DNAH9: variants seen among roughly 807,000 people sequenced by gnomAD.
The protein encoded by DNAH9 is DNAH9 variant protein.
In DNAH9, 345 loss-of-function variants were observed where a neutral mutation model predicts 471.6. The ratio of observed to expected loss-of-function variants is 0.73; its 90% CI spans 0.67 to 0.80. DNAH9 has a LOEUF of 0.80. Ranked by LOEUF, DNAH9 falls within the 30% of genes least tolerant of loss-of-function variation. The pLI, the probability that DNAH9 is intolerant of heterozygous loss-of-function variation, is 0.00. For missense variants in DNAH9, 5,407 were observed against 5,609.2 expected (o/e 0.96, Z 1.15); for synonymous variants, 2,093 against 2,123.6 (o/e 0.99, Z 0.40).
intron 67 of DNAH9, among the ~76,000 whole-genome samples, chr17:11,954,392 T>G (rs1217294466): frequency 6.6e-6 from 1 of 151,924 alleles, no homozygotes; most frequent in Non-Finnish European, 1.5e-5. Flanking sequence ...ATAATAAAAC[T>G]GCTGAAACCA....
At chr17:11,705,571 C>A (rs911889711) in intron 26 of DNAH9, 2 of 176,756 alleles carry the variant, frequency 1.1e-5, no homozygotes, top group East Asian at 1.4e-4. Context: ...AAGACAGTAA[C>A]GTTGGGAGGG....
chr17:11,864,318 A>G (rs988825889), intron 50 of DNAH9, among the ~76,000 whole-genome samples: 9 of 151,978 alleles, frequency 5.9e-5, no homozygotes, highest in East Asian at 1.9e-4. Context: ...CAGTTTCCAT[A>G]TAGTTGAGCG....
chr17:11,901,589 G>A (rs144694537), intron 59 of DNAH9, among the ~76,000 whole-genome samples: 3 of 152,240 alleles, frequency 2.0e-5, no homozygotes, highest in African/African-American at 7.2e-5. Context: ...CCAGCTACTC[G>A]GGAGGCTGAG....
At chr17:11,762,660 A>C (rs755796100) in intron 35 of DNAH9, among the ~76,000 whole-genome samples, 15 of 150,852 alleles carry the variant, frequency 9.9e-5, no homozygotes, top group Non-Finnish European at 1.2e-4. Context: ...CTGGCCCCAG[A>C]AAAAGTGTTT....
intron 62 of DNAH9, chr17:11,925,151 A>AT (rs1567554861): frequency 2.2e-6 from 1 of 454,920 alleles, no homozygotes; most frequent in African/African-American, 2.0e-5. Flanking sequence ...TCTCCACCAA[A>AT]TTTTTTAGGT....
At chr17:11,715,181 G>T (rs8078636) in intron 26 of DNAH9, among the ~76,000 whole-genome samples, 140,199 of 152,264 alleles carry the variant, frequency 0.92, 65,095 homozygotes, top group Non-Finnish European at 0.98. Flanking sequence ...TTTGATATTT[G>T]CTTTATCTTC....
chr17:11,835,396 C>G (rs1402459348), intron 49 of DNAH9, among the ~76,000 whole-genome samples: 1 of 152,142 alleles, frequency 6.6e-6, no homozygotes, highest in Admixed American at 6.5e-5. Flanking sequence ...TCAAAATATA[C>G]TTTTTAATCT....
intron 19 of DNAH9, among the ~76,000 whole-genome samples, chr17:11,686,310 C>T (rs928257823): frequency 3.3e-5 from 5 of 152,142 alleles, no homozygotes; most frequent in African/African-American, 1.2e-4. Context: ...ATTTTCATTT[C>T]TTTTAATTAT....
chr17:11,759,179 A>C (rs148920600), intron 35 of DNAH9, among the ~76,000 whole-genome samples: 2 of 151,450 alleles, frequency 1.3e-5, no homozygotes, highest in African/African-American at 4.9e-5. Flanking sequence ...TTACAGGGAT[A>C]TATGGCATAG....
At position 11,638,770 on chromosome 17, in the gene DNAH9, G is replaced by A. The variant is rs1318500415; in HGVS notation, c.1787-1500G>A. On this transcript the variant is annotated intron_variant, in intron 9 of 68. Transcript: ENST00000262442. The stretch of plus-strand genomic sequence containing the variant: ...AGAGAATCCCAAAGCTGAAATCAAG[G>A]TGTTGGTCAGCCTGAGTTTGCATCT... Among the ~76,000 whole-genome samples the A allele has an allele frequency of 2.0e-5, 3 of 152,136 alleles. No homozygotes were observed. The East Asian group carries it at 5.8e-4, about 29-fold the overall frequency.
At chr17:11,786,736 G>A in intron 41 of DNAH9, among the ~76,000 whole-genome samples, 1 of 152,302 alleles carries the variant, frequency 6.6e-6, no homozygotes, top group Non-Finnish European at 1.5e-5. Flanking sequence ...GCTTCCGGAG[G>A]AAAGAGTACA....
chr17:11,958,597 G>C (rs1411273762), intron 67 of DNAH9, among the ~76,000 whole-genome samples: 1 of 152,160 alleles, frequency 6.6e-6, no homozygotes. Context: ...GAATGCAGGT[G>C]CATCACTTGT....
At chr17:11,828,830 CCATCCT>C (rs1970591131) in intron 48 of DNAH9, among the ~76,000 whole-genome samples, 1 of 152,176 alleles carries the variant, frequency 6.6e-6, no homozygotes, top group Non-Finnish European at 1.5e-5. Flanking sequence ...TCTCTGGGTT[CCATCCT>C]TGAATTATGT....
chr17:11,833,655 T>G (rs763835732), intron 48 of DNAH9, among the ~76,000 whole-genome samples: 4 of 152,198 alleles, frequency 2.6e-5, no homozygotes, highest in Non-Finnish European at 4.4e-5. Context: ...TTTTTGTTTG[T>G]CTTCCTGCAA....
chr17:11,762,789 T>TTTTTTTTTTG (rs1567783499), intron 35 of DNAH9, among the ~76,000 whole-genome samples: 3 of 135,354 alleles, frequency 2.2e-5, no homozygotes, highest in Non-Finnish European at 4.8e-5. Flanking sequence ...TTTTTTTTTT[T>TTTTTTTTTTG]TTTTTTTTGA....
chr17:11,797,716 G>A lies in DNAH9; in HGVS notation c.8343G>A (p.Leu2781=). 1 of 1,614,208 alleles carries A rather than the reference G, an allele frequency of 6.2e-7. No homozygotes were observed. The highest frequency in any genetic ancestry group is 8.5e-7 in the Non-Finnish European group (1 of 1,180,040). Residue 2781 remains leucine, a synonymous_variant, in exon 43 of 69, where the codon CTG becomes CTA. Coordinates refer to ENST00000262442, the MANE Select transcript of DNAH9 (RefSeq NM_001372.4). ...VQSWELLTQT[L]VEALENHNEV... ...CTTGGGAACTTTTGACCCAGACTCT[G>A]GTGGAGGCCTTGGAGAACCACAATG...
intron 9 of DNAH9, 83 bp from the exon 10 acceptor site, chr17:11,640,187 A>T (rs1179513925): frequency 1.3e-6 from 1 of 758,534 alleles, no homozygotes; most frequent in African/African-American, 1.8e-5. Flanking sequence ...GCAAAAGTGG[A>T]GTACTTGGTG....
At chr17:11,748,712 A>G (rs767754538) in intron 32 of DNAH9, among the ~76,000 whole-genome samples, 2 of 152,078 alleles carry the variant, frequency 1.3e-5, no homozygotes, top group African/African-American at 4.8e-5. Flanking sequence ...ACCAATAGAC[A>G]TTGTAAAGGG....
intron 4 of DNAH9, among the ~76,000 whole-genome samples, chr17:11,616,558 G>A (rs956453965): frequency 6.6e-5 from 10 of 152,326 alleles, no homozygotes; most frequent in African/African-American, 1.9e-4. Context: ...ACCACAAGAC[G>A]ACTGGTTAAA....
Sources: gnomAD v4.1 joint callset for allele counts (sites outside exome capture counted in the v4.1 genomes callset) on GRCh38, gnomAD v4.1.1 for gene constraint, MANE v1.5 for transcripts, NCBI Gene and HGNC (gene_info 2026-07-23, HGNC 2026-07-21) for gene names.